Variants in TBC1D32 observed in about 807,000 individuals in gnomAD.
TBC1D32 encodes the protein TBC1 domain family member 32, also known as protein broad-minded.
In TBC1D32, 151 loss-of-function variants were observed where a neutral mutation model predicts 170.3. The ratio of observed to expected loss-of-function variants is 0.89; its 90% confidence interval spans 0.78 to 1.01. The LOEUF (loss-of-function observed/expected upper bound fraction) is 1.01, where lower values mean the gene tolerates loss of function less well. TBC1D32 is among the 50% of genes least tolerant of loss of function. TBC1D32 has a pLI of 0.00. For synonymous variants in TBC1D32, 498 were observed against 488.0 expected (o/e 1.02, Z -0.27); for missense variants, 1,464 against 1,457.1 (o/e 1.00, Z -0.08).
chr6:121,152,975 T>C (rs1381813585), intron 24 of TBC1D32, among the ~76,000 whole-genome samples: 1 of 151,948 alleles, frequency 6.6e-6, no homozygotes, highest in Non-Finnish European at 1.5e-5. Context: ...GAGTTTGTTA[T>C]TACCCACCTT....
At chr6:121,080,937 C>T in intron 31 of TBC1D32, 47 bp from the exon 32 acceptor site, 1 of 1,590,240 alleles carries the variant, frequency 6.3e-7, no homozygotes, top group South Asian at 1.2e-5. Flanking sequence ...GTAAGACACA[C>T]AATTCCAAGT....
intron 21 of TBC1D32, among the ~76,000 whole-genome samples, chr6:121,212,550 G>C (rs959808842): frequency 2.7e-5 from 4 of 150,038 alleles, no homozygotes; most frequent in Non-Finnish European, 5.9e-5. Context: ...TGCCTCCCAG[G>C]TTCAAGCAAT....
chr6:121,107,537 C>T (rs1040849171), intron 29 of TBC1D32, among the ~76,000 whole-genome samples: 2 of 151,480 alleles, frequency 1.3e-5, no homozygotes, highest in South Asian at 4.2e-4. Context: ...ATATGTAGAA[C>T]AAAAAGAAAA....
chr6:121,281,749 G>T lies in TBC1D32; in HGVS notation c.1466-63C>A, dbSNP rs1382543418. 1.1e-5 allele frequency: 14 copies of T among 1,324,170 alleles called. No homozygotes were observed. In the African/African-American group the frequency reaches 1.7e-4, roughly 16 times the overall value. 82.0% of individuals were successfully genotyped at this position (1,324,170 alleles called of 1,614,324 possible). On this transcript the variant is annotated intron_variant, in intron 13 of 31. Transcript: ENST00000398212. ...AAATACTTAGAACTATTTTATGTTA[G>T]CTGTTGTTGTTCCAAAAAGTTCAAC...
intron 22 of TBC1D32, among the ~76,000 whole-genome samples, chr6:121,180,143 T>C (rs1788320658): frequency 1.3e-5 from 2 of 152,230 alleles, no homozygotes; most frequent in East Asian, 3.9e-4. Context: ...GAAAACGGTA[T>C]TATGCAGATG....
chr6:121,231,301 C>T (rs968741060), intron 20 of TBC1D32, among the ~76,000 whole-genome samples: 5 of 152,000 alleles, frequency 3.3e-5, no homozygotes, highest in Admixed American at 1.3e-4. Context: ...ATACATATAC[C>T]GTATTTTCTT....
At chr6:121,116,660 T>C (rs926699749) in intron 26 of TBC1D32, among the ~76,000 whole-genome samples, 1 of 152,190 alleles carries the variant, frequency 6.6e-6, no homozygotes, top group African/African-American at 2.4e-5. Flanking sequence ...CAGACCACAG[T>C]GGATTCTATC....
intron 15 of TBC1D32, among the ~76,000 whole-genome samples, chr6:121,260,792 C>T (rs1010424158): frequency 1.3e-5 from 2 of 152,318 alleles, no homozygotes; most frequent in East Asian, 3.9e-4. Context: ...ATCACCACTG[C>T]TGCTGCTGAT....
chr6:121,110,263 AT>A lies in TBC1D32; in HGVS notation c.3324+2241del, dbSNP rs560831834. ...GAGACTCTGTCTCAAAAAAAAAAAA[AT>A]TTTATATATATATATAAAAATATAT... On this transcript the variant is annotated intron_variant, in intron 29 of 31. Transcript: ENST00000398212. Among the ~76,000 whole-genome samples, 1,291 of 148,296 alleles carry A rather than the reference AT, an allele frequency of 8.7e-3. 18 individuals carry two copies. Among genetic ancestry groups the A allele is most frequent in the African/African-American group, 0.03 (1,206 of 40,852 alleles).
intron 25 of TBC1D32, among the ~76,000 whole-genome samples, chr6:121,126,711 T>C (rs564373702): frequency 1.7e-3 from 257 of 152,170 alleles, no homozygotes; most frequent in Non-Finnish European, 3.2e-3. Context: ...CTTTAGATCC[T>C]CTAAGAATTA....
In TBC1D32 at chr6:121,096,830, T is replaced by C. The variant is rs184316062; in HGVS notation, c.3466-5789A>G. Among the ~76,000 whole-genome samples, 716 of 152,198 alleles carry C rather than the reference T, an allele frequency of 4.7e-3. 18 individuals are homozygous for C. The highest frequency in any genetic ancestry group is 1.5e-3 in the East Asian group (8 of 5,170). On this transcript the variant is annotated intron_variant, in intron 30 of 31. Coordinates refer to ENST00000398212, the MANE Select transcript of TBC1D32 (RefSeq NM_152730.6). ...GGCTACAGTAACCAAAACAACATGG[T>C]AGTGGTACCAAAACAGATATATAGA... is the stretch of plus-strand genomic sequence containing the variant.
chr6:121,101,058 C>A (rs546956357), intron 30 of TBC1D32, among the ~76,000 whole-genome samples: 1 of 151,912 alleles, frequency 6.6e-6, no homozygotes, highest in African/African-American at 2.4e-5. Flanking sequence ...ATTCCTGAAT[C>A]GACCAATAAC....
intron 29 of TBC1D32, chr6:121,112,276 T>G (rs1484439900): frequency 1.0e-5 from 3 of 295,578 alleles, no homozygotes; most frequent in Non-Finnish European, 1.2e-5. Context: ...TTCTACTTCA[T>G]GAAAATGCTT....
In TBC1D32 at chr6:121,241,486, C is replaced by T. The variant is rs748080205; in HGVS notation, c.2224G>A (p.Gly742Ser). The change falls in exon 19 of 32, where the codon GGC becomes AGC. Residue 742 changes from glycine (G) to serine (S), a missense_variant. By Grantham distance (56) the Gly-to-Ser change is moderately conservative (BLOSUM62 0). Around this residue, in one of 3 missense-constraint regions of TBC1D32, gnomAD observed 1,363 missense variants for 1,338.1 expected, o/e 1.02. Transcript: ENST00000398212. Reference sequence around the variant, plus strand: ...TTACCTGACTTTTTTAGTGCAATGCCACCTGCTGCTGTTGATGCCACTCGT... The same window carrying T: ...TTACCTGACTTTTTTAGTGCAATGCTACCTGCTGCTGTTGATGCCACTCGT... ...VTRVASTAAG[G>S]IALKKSGFIN... The T allele has an allele frequency of 6.2e-7, 1 of 1,613,148 alleles. No individual in the cohort carries two copies. Among genetic ancestry groups the T allele is most frequent in the Admixed American group, 1.7e-5 (1 of 59,946 alleles).
chr6:121,310,670 C>G (rs1039100193), intron 4 of TBC1D32, 109 bp downstream of exon 4: 2 of 729,468 alleles, frequency 2.7e-6, no homozygotes, highest in Non-Finnish European at 4.7e-6. Flanking sequence ...TGCCCATAAT[C>G]ATAAAGGCTT....
chr6:121,134,932 A>G (rs1160233976), intron 24 of TBC1D32, among the ~76,000 whole-genome samples: 2 of 151,558 alleles, frequency 1.3e-5, no homozygotes, highest in Admixed American at 6.6e-5. Flanking sequence ...CCATAAATCT[A>G]TTCAGCCATA....
chr6:121,170,573 C>T (rs1297905670), intron 22 of TBC1D32: 1 of 1,389,764 alleles, frequency 7.2e-7, no homozygotes, highest in Non-Finnish European at 9.4e-7. Context: ...AAATATGTCC[C>T]AAAAGCATAA....
At chr6:121,139,276 T>C (rs138675063) in intron 24 of TBC1D32, among the ~76,000 whole-genome samples, 226 of 152,350 alleles carry the variant, frequency 1.5e-3, no homozygotes, top group African/African-American at 5.3e-3. Flanking sequence ...GTCCAGTCAT[T>C]CGTTAAATAG....
chr6:121,153,202 T>A (rs1562683127), intron 24 of TBC1D32, among the ~76,000 whole-genome samples: 1 of 152,210 alleles, frequency 6.6e-6, no homozygotes, highest in South Asian at 2.1e-4. Context: ...TCCTTCTTGA[T>A]GTTGATGCCA....
Sources: gnomAD v4.1 joint callset for allele counts (sites outside exome capture counted in the v4.1 genomes callset) on GRCh38, gnomAD v4.1.1 for gene constraint, gnomAD v4.1.1 regional missense constraint, MANE v1.5 for transcripts, NCBI Gene and HGNC (gene_info 2026-07-23, HGNC 2026-07-21) for gene names.